Variants in MYO3B observed in about 807,000 individuals in gnomAD.
The protein encoded by MYO3B is myosin IIIB, also known as myosin-IIIb.
In MYO3B, 156 loss-of-function variants were observed where a neutral mutation model predicts 174.6. The observed-to-expected ratio is 0.89, with a 90% CI of 0.78 to 1.02. The LOEUF (loss-of-function observed/expected upper bound fraction) is 1.02. Ranked by LOEUF, MYO3B falls within the 50% of genes least tolerant of loss-of-function variation. The pLI, the probability that MYO3B is intolerant of heterozygous loss-of-function variation, is 0.00. For synonymous variants in MYO3B, 563 were observed against 569.1 expected (o/e 0.99, Z 0.15); for missense variants, 1,632 against 1,639.4 (o/e 1.00, Z 0.08).
chr2:170,399,279 T>G (rs2094460483), intron 16 of MYO3B, among the ~76,000 whole-genome samples: 1 of 103,050 alleles, frequency 9.7e-6, no homozygotes, highest in African/African-American at 3.1e-5. Context: ...GAGAGACCAG[T>G]CTGGCCAACA....
chr2:170,532,917 CAGAG>C (rs554077825), intron 30 of MYO3B, among the ~76,000 whole-genome samples: 2,227 of 151,406 alleles, frequency 0.015, 26 homozygotes, highest in Non-Finnish European at 0.022. Context: ...AATACAGAGA[CAGAG>C]AGAGGACAAA....
chr2:170,205,915 T>A (rs1486519494), intron 3 of MYO3B, among the ~76,000 whole-genome samples: 1 of 152,140 alleles, frequency 6.6e-6, no homozygotes, highest in Admixed American at 6.6e-5. Flanking sequence ...ATGGGTAGTA[T>A]ACAGGTATAT....
chr2:170,310,394 G>A (rs1230580825), intron 7 of MYO3B, among the ~76,000 whole-genome samples: 2 of 152,128 alleles, frequency 1.3e-5, no homozygotes, highest in Non-Finnish European at 1.5e-5. Flanking sequence ...TGTGCGCAGT[G>A]GCTCATGCCT....
intron 32 of MYO3B, among the ~76,000 whole-genome samples, chr2:170,567,315 A>G (rs1308869882): frequency 6.6e-6 from 1 of 152,222 alleles, no homozygotes; most frequent in Non-Finnish European, 1.5e-5. Flanking sequence ...TAAGGATTTC[A>G]ATAAGATTTT....
chr2:170,413,159 T>C (rs1481501769), intron 22 of MYO3B, among the ~76,000 whole-genome samples: 4 of 151,944 alleles, frequency 2.6e-5, no homozygotes, highest in African/African-American at 9.7e-5. Flanking sequence ...CAAATAAAAA[T>C]AGAAGGAAAT....
chr2:170,278,762 T>C (rs113288333), intron 7 of MYO3B, among the ~76,000 whole-genome samples: 6 of 133,014 alleles, frequency 4.5e-5, no homozygotes, highest in African/African-American at 2.1e-4. Flanking sequence ...CTTATCCCCC[T>C]AACCCCCGCC....
intron 32 of MYO3B, among the ~76,000 whole-genome samples, chr2:170,634,061 A>G (rs1697254316): frequency 6.6e-6 from 1 of 152,202 alleles, no homozygotes; most frequent in African/African-American, 2.4e-5. Flanking sequence ...TTATAGATGC[A>G]ATGCCATCCC....
At chr2:170,619,769 C>CAG (rs1185782430) in intron 32 of MYO3B, among the ~76,000 whole-genome samples, 45 of 18,600 alleles carry the variant, frequency 2.4e-3, no homozygotes, top group African/African-American at 5.7e-3. Flanking sequence ...TTTTTTGAGA[C>CAG]AGAGTCTCGT....
At chr2:170,341,502 T>G (rs2093976524) in intron 8 of MYO3B, 1 of 152,318 alleles carries the variant, frequency 6.6e-6, no homozygotes, top group South Asian at 2.1e-4. Flanking sequence ...AAATGAGCAG[T>G]GGTATCTCTA....
intron 8 of MYO3B, among the ~76,000 whole-genome samples, chr2:170,365,606 G>A (rs2094192459): frequency 6.6e-6 from 1 of 152,084 alleles, no homozygotes; most frequent in East Asian, 1.9e-4. Flanking sequence ...ATTTCAGACT[G>A]GCTCTTTGCT....
At position 170,652,120 on chromosome 2, in the gene MYO3B, T is replaced by A; in HGVS notation, c.3853T>A (p.Tyr1285Asn). 1 of 1,614,042 alleles carries A rather than the reference T, an allele frequency of 6.2e-7. No individual in the cohort carries two copies. The highest frequency in any genetic ancestry group is 8.5e-7 in the Non-Finnish European group (1 of 1,179,990). The change falls in exon 34 of 35, where the codon TAT becomes AAT. Residue 1285 changes from tyrosine to asparagine, a missense_variant. By Grantham distance (143) the Tyr-to-Asn change is moderately radical (BLOSUM62 -2). Transcript: ENST00000408978. Reference protein sequence around the residue: ...YYNQLNGTLEYQGSKRKPRKL... With the variant: ...YYNQLNGTLENQGSKRKPRKL... Reference sequence around the variant, plus strand: ...GCCCTCTCCACAGGGAACTCTAGAATATCAAGGGAGCAAGAGGAAGCCAAG... The same window carrying A: ...GCCCTCTCCACAGGGAACTCTAGAAAATCAAGGGAGCAAGAGGAAGCCAAG...
At chr2:170,618,319 C>T (rs969130004) in intron 32 of MYO3B, among the ~76,000 whole-genome samples, 8 of 152,044 alleles carry the variant, frequency 5.3e-5, no homozygotes, top group Middle Eastern at 3.2e-3. Context: ...CAGTCTGTGG[C>T]GTAACAGAGG....
At chr2:170,385,916 G>T in intron 12 of MYO3B, 1 of 252,450 alleles carries the variant, frequency 4.0e-6, no homozygotes. Flanking sequence ...TTAAGTATAA[G>T]GTTATTCATT....
At chr2:170,576,802 A>C (rs182217687) in intron 32 of MYO3B, among the ~76,000 whole-genome samples, 45 of 152,264 alleles carry the variant, frequency 3.0e-4, no homozygotes, top group African/African-American at 9.6e-4. Context: ...CAGCTTGTTG[A>C]GATTCTTTGC....
intron 32 of MYO3B, among the ~76,000 whole-genome samples, chr2:170,634,267 G>C (rs1421402582): frequency 6.6e-6 from 1 of 152,074 alleles, no homozygotes; most frequent in Non-Finnish European, 1.5e-5. Flanking sequence ...TACCAAAACA[G>C]AGATATAGAC....
chr2:170,509,076 G>A (rs1687801980), intron 28 of MYO3B, among the ~76,000 whole-genome samples: 1 of 152,178 alleles, frequency 6.6e-6, no homozygotes, highest in Admixed American at 6.5e-5. Flanking sequence ...GTAACTTCAG[G>A]CCGGGCACAG....
At chr2:170,557,404 G>T (rs1691405403) in intron 32 of MYO3B, among the ~76,000 whole-genome samples, 1 of 152,110 alleles carries the variant, frequency 6.6e-6, no homozygotes, top group African/African-American at 2.4e-5. Context: ...CTCCCAAAGT[G>T]CTATTTATGT....
rs528628160 is a variant in MYO3B, at chr2:170,293,850, A to G, written c.750-41535A>G. Among the ~76,000 whole-genome samples, 17 of 152,138 alleles carry G rather than the reference A, an allele frequency of 1.1e-4. No homozygotes were observed. The East Asian group carries it at 3.3e-3, about 29-fold the overall frequency. On this transcript the variant is annotated intron_variant, in intron 7 of 34. Transcript: ENST00000408978. ...AGAGCCCAAACTAGAGGTATTCTGC[A>G]TGAGCTTTTCTCTGCCCATGTCAAT...
At chr2:170,307,557 C>CTA (rs2093709202) in intron 7 of MYO3B, among the ~76,000 whole-genome samples, 1 of 151,588 alleles carries the variant, frequency 6.6e-6, no homozygotes, top group African/African-American at 2.4e-5. Flanking sequence ...GATTCCCTAT[C>CTA]CTTCCATATG....
Sources: gnomAD v4.1 joint callset for allele counts (sites outside exome capture counted in the v4.1 genomes callset) on GRCh38, gnomAD v4.1.1 for gene constraint, MANE v1.5 for transcripts, NCBI Gene and HGNC (gene_info 2026-07-23, HGNC 2026-07-21) for gene names.